Variants in MAML2 observed in about 807,000 individuals in gnomAD.
The protein encoded by MAML2 is mastermind-like protein 2.
In MAML2, 22 loss-of-function variants were observed where a neutral mutation model predicts 96.1. That is an observed-to-expected ratio of 0.23 (90% CI 0.16 to 0.33). The LOEUF (loss-of-function observed/expected upper bound fraction) is 0.33, where lower values mean the gene tolerates loss of function less well. MAML2 is among the 10% of genes least tolerant of loss of function. The pLI is 1.00. For missense variants in MAML2, 1,367 were observed against 1,392.4 expected, an observed-to-expected ratio of 0.98 and a Z score of 0.29; for synonymous variants, 561 against 521.3, an observed-to-expected ratio of 1.08 and a Z score of -1.04.
intron 2 of MAML2, among the ~76,000 whole-genome samples, chr11:95,998,165 T>TGTCC (rs1858025135): frequency 6.8e-6 from 1 of 147,620 alleles, no homozygotes; most frequent in African/African-American, 2.6e-5. Context: ...TCTGTCTGTC[T>TGTCC]GTCTGTCTGT....
At chr11:96,110,381 G>A (rs921739689) in intron 1 of MAML2, among the ~76,000 whole-genome samples, 9 of 152,222 alleles carry the variant, frequency 5.9e-5, no homozygotes, top group South Asian at 2.1e-4. Flanking sequence ...GGAGGATTCC[G>A]CCATCTTGCC....
chr11:96,036,650 A>G (rs1858717170), intron 2 of MAML2, among the ~76,000 whole-genome samples: 1 of 152,198 alleles, frequency 6.6e-6, no homozygotes, highest in African/African-American at 2.4e-5. Flanking sequence ...CTCAAGATTC[A>G]AGAATATGTT....
At chr11:96,003,428 C>CTT (rs34985427) in intron 2 of MAML2, among the ~76,000 whole-genome samples, 1 of 151,796 alleles carries the variant, frequency 6.6e-6, no homozygotes, top group African/African-American at 2.4e-5. Context: ...CAGAACTTGT[C>CTT]TTTTTTCCCC....
intron 1 of MAML2, among the ~76,000 whole-genome samples, chr11:96,178,597 C>T (rs1861431122): frequency 6.6e-6 from 1 of 152,154 alleles, no homozygotes; most frequent in Admixed American, 6.5e-5. Flanking sequence ...TACAACCAAT[C>T]GCCTAAAACT....
At chr11:96,267,169 A>G (rs903778107) in intron 1 of MAML2, among the ~76,000 whole-genome samples, 4 of 152,216 alleles carry the variant, frequency 2.6e-5, no homozygotes, top group African/African-American at 9.6e-5. Context: ...TGAAGAAAAC[A>G]ATAGTGGAGT....
chr11:96,015,872 C>T (rs1858343822), intron 2 of MAML2, among the ~76,000 whole-genome samples: 1 of 152,048 alleles, frequency 6.6e-6, no homozygotes, highest in Non-Finnish European at 1.5e-5. Context: ...GTGCTTCATA[C>T]TGACAAGGCT....
chr11:96,038,290 G>A lies in MAML2; in HGVS notation c.2140-46567C>T, dbSNP rs373003839. On this transcript the variant is annotated intron_variant, in intron 2 of 4. Coordinates refer to ENST00000524717, the MANE Select transcript of MAML2 (RefSeq NM_032427.4). ...GTCTTAGCAACACCTGTATTATATCGACATACACATCTTCATCGTTCCTTA... is the reference window on the plus strand; with the variant it reads ...GTCTTAGCAACACCTGTATTATATCAACATACACATCTTCATCGTTCCTTA... Among the ~76,000 whole-genome samples, 558 of 152,132 alleles carry A rather than the reference G, an allele frequency of 3.7e-3. 5 individuals carry two copies. Among genetic ancestry groups the A allele is most frequent in the South Asian group, 0.018 (85 of 4,804 alleles).
chr11:96,210,090 A>C (rs929662190), intron 1 of MAML2, among the ~76,000 whole-genome samples: 1 of 152,084 alleles, frequency 6.6e-6, no homozygotes, highest in Non-Finnish European at 1.5e-5. Context: ...AATGTGCCTT[A>C]CCATTTTATT....
chr11:96,236,325 A>G (rs1405221334), intron 1 of MAML2, among the ~76,000 whole-genome samples: 2 of 152,244 alleles, frequency 1.3e-5, no homozygotes, highest in Non-Finnish European at 2.9e-5. Context: ...AAGATTTGAG[A>G]TATTATGTTA....
At chr11:96,128,650 G>A (rs965545745) in intron 1 of MAML2, among the ~76,000 whole-genome samples, 1 of 152,042 alleles carries the variant, frequency 6.6e-6, no homozygotes, top group Non-Finnish European at 1.5e-5. Flanking sequence ...TACCTTTTGT[G>A]GGATTGTGCT....
chr11:96,052,625 C>G (rs959507462), intron 2 of MAML2, among the ~76,000 whole-genome samples: 19 of 152,186 alleles, frequency 1.2e-4, no homozygotes, highest in African/African-American at 4.1e-4. Flanking sequence ...CCAGAGCTGT[C>G]TTGTCTGATA....
intron 1 of MAML2, among the ~76,000 whole-genome samples, chr11:96,181,561 T>C (rs1450062862): frequency 2.6e-5 from 4 of 152,138 alleles, no homozygotes. Flanking sequence ...CCCACCCCCT[T>C]CAAGTCTTTA....
intron 2 of MAML2, among the ~76,000 whole-genome samples, chr11:96,023,029 T>A (rs1421814324): frequency 6.6e-6 from 1 of 152,134 alleles, no homozygotes; most frequent in African/African-American, 2.4e-5. Flanking sequence ...ATGCAGGGGA[T>A]CCCCAAGACT....
At chr11:96,197,882 T>C (rs1275018930) in intron 1 of MAML2, among the ~76,000 whole-genome samples, 1 of 151,972 alleles carries the variant, frequency 6.6e-6, no homozygotes, top group Admixed American at 6.6e-5. Flanking sequence ...CCAGGTGAAG[T>C]GTAAAAGTAA....
rs529630056 is a variant in MAML2 at position 96,279,326 on chromosome 11, T to G, written c.513+62057A>C. Among the ~76,000 whole-genome samples, 27 of 152,314 alleles carry G rather than the reference T, an allele frequency of 1.8e-4. No homozygotes were observed. In the East Asian group the frequency reaches 2.5e-3, roughly 14 times the overall value. On this transcript the variant is annotated intron_variant, in intron 1 of 4. Transcript: ENST00000524717. ...CTGATGATGAATAATATTTTCGTTATAAGGAGAGAAGCAATGTTAGGGGTG... is the reference window on the plus strand; with the variant it reads ...CTGATGATGAATAATATTTTCGTTAGAAGGAGAGAAGCAATGTTAGGGGTG...
chr11:96,096,312 G>C (rs1257155944), intron 1 of MAML2, among the ~76,000 whole-genome samples: 3 of 152,144 alleles, frequency 2.0e-5, no homozygotes, highest in Non-Finnish European at 2.9e-5. Flanking sequence ...TAGAATTAGT[G>C]ATAATTGTAT....
intron 1 of MAML2, among the ~76,000 whole-genome samples, chr11:96,322,857 TAG>T (rs1165935235): frequency 6.6e-6 from 1 of 152,238 alleles, no homozygotes; most frequent in Non-Finnish European, 1.5e-5. Flanking sequence ...CCGGATGTCC[TAG>T]AGTTAGCTGT....
At chr11:96,013,927 A>G (rs959301110) in intron 2 of MAML2, among the ~76,000 whole-genome samples, 1 of 152,222 alleles carries the variant, frequency 6.6e-6, no homozygotes, top group Non-Finnish European at 1.5e-5. Flanking sequence ...CCTTGTGATA[A>G]GGAAGGGGAT....
intron 2 of MAML2, among the ~76,000 whole-genome samples, chr11:96,044,544 A>C (rs17233750): frequency 0.22 from 34,041 of 152,166 alleles, 4,750 homozygotes; most frequent in Non-Finnish European, 0.32. Flanking sequence ...CCCTAGGAGA[A>C]ACCTTAATCT....
Sources: gnomAD v4.1 joint callset for allele counts (sites outside exome capture counted in the v4.1 genomes callset) on GRCh38, gnomAD v4.1.1 for gene constraint, MANE v1.5 for transcripts, NCBI Gene and HGNC (gene_info 2026-07-23, HGNC 2026-07-21) for gene names.